VPS53: variants seen among roughly 807,000 people sequenced by gnomAD.
VPS53 encodes VPS53 subunit of GARP complex, also known as vacuolar protein sorting-associated protein 53 homolog.
Under a neutral mutation model 107.0 loss-of-function variants are expected in VPS53, and 70 were observed. That is an observed-to-expected ratio of 0.65 (90% CI 0.54 to 0.80). The LOEUF (loss-of-function observed/expected upper bound fraction) is 0.80. Among genes scored for constraint, VPS53 ranks in the 30% least tolerant of loss-of-function variants. VPS53 has a pLI of 0.00. For missense variants in VPS53, 917 were observed against 1,049.4 expected (o/e 0.87, Z 1.74); for synonymous variants, 409 against 393.3 (o/e 1.04, Z -0.47).
rs1428010196 is a variant in VPS53 at position 542,567 on chromosome 17, TAAG to T, written c.1867-5394_1867-5392del. Among the ~76,000 whole-genome samples the T allele has an allele frequency of 7.9e-5, 12 of 152,376 alleles. No homozygotes were observed. The South Asian group carries it at 2.5e-3, about 32-fold the overall frequency. Reference sequence around the variant, plus strand: ...TAAATTTTAGCTACTGTTATAATTTTAAGAATACTTGCACTATCACTAAAAATC... The same window carrying T: ...TAAATTTTAGCTACTGTTATAATTTTAATACTTGCACTATCACTAAAAATC... On this transcript the variant is annotated intron_variant, in intron 17 of 21. Transcript: ENST00000437048.
At chr17:678,414 T>A (rs1016445441) in intron 4 of VPS53, among the ~76,000 whole-genome samples, 5 of 151,864 alleles carry the variant, frequency 3.3e-5, no homozygotes, top group Non-Finnish European at 5.9e-5. Context: ...AGAGTGAGAC[T>A]CTGTCTCAAA....
intron 4 of VPS53, among the ~76,000 whole-genome samples, chr17:663,042 C>CA (rs954361632): frequency 1.5e-4 from 22 of 145,668 alleles, no homozygotes; most frequent in South Asian, 2.2e-4. Flanking sequence ...TCGGTCTCTG[C>CA]AAAAAAAAAA....
At chr17:589,232 C>T (rs1312303638) in intron 12 of VPS53, among the ~76,000 whole-genome samples, 6 of 151,220 alleles carry the variant, frequency 4.0e-5, no homozygotes, top group African/African-American at 1.5e-4. Flanking sequence ...AAATTTTGAA[C>T]ATGTATATTT....
intron 4 of VPS53, among the ~76,000 whole-genome samples, chr17:662,790 AG>A: frequency 6.7e-6 from 1 of 148,756 alleles, no homozygotes; most frequent in African/African-American, 2.5e-5. Flanking sequence ...AAAGAAAAAA[AG>A]AAAGAGAAAG....
chr17:631,727 G>T, intron 7 of VPS53, 99 bp from the exon 8 acceptor site: 2 of 1,078,762 alleles, frequency 1.9e-6, no homozygotes, highest in Non-Finnish European at 2.8e-6. Context: ...TTCGAGAAAG[G>T]CCAGGAAGGG....
In VPS53 at chr17:514,944, C is replaced by G. The variant is rs776235777; in HGVS notation, c.*4184G>C. ...TGAGCTGGGTTTGGAGATCAGAACA[C>G]CTTGTCCATTGCGGCTCCTGTTTCA... On this transcript the variant is annotated 3_prime_UTR_variant, in exon 22 of 22. Coordinates refer to ENST00000437048, the MANE Select transcript of VPS53 (RefSeq NM_001128159.3). The G allele has an allele frequency of 6.6e-6, 1 of 152,250 alleles. No homozygotes were observed. The highest frequency in any genetic ancestry group is 2.4e-5 in the African/African-American group (1 of 41,448). The allele number at this position is 152,250 out of a possible 1,614,324, so 9.4% of individuals were successfully genotyped here.
chr17:553,238 C>G (rs1407360215), intron 16 of VPS53, 142 bp downstream of exon 16: 1 of 610,372 alleles, frequency 1.6e-6, no homozygotes, highest in Admixed American at 2.8e-5. Flanking sequence ...CAAGCGTGTA[C>G]AAGGTATATA....
In VPS53 at chr17:628,091, T is replaced by C. The variant is rs1203085681; in HGVS notation, c.828A>G (p.Gln276=). The change falls in exon 9 of 22, where the codon CAA becomes CAG. Residue 276 remains glutamine, a synonymous_variant. Coordinates refer to ENST00000437048, the MANE Select transcript of VPS53 (RefSeq NM_001128159.3). ...SEYLVLFQEN[Q]DVAWLDKIDR... ...ATCTTATTTGGTCAATACTCACATC[T>C]TGGTTTTCTTGAAAAAGTACCAGAT... 1.9e-6 allele frequency: 3 copies of C among 1,611,168 alleles called. No homozygotes were observed. The Admixed American group carries it at 5.1e-5, about 27-fold the overall frequency.
intron 14 of VPS53, among the ~76,000 whole-genome samples, chr17:562,089 G>C (rs1050340303): frequency 6.6e-6 from 1 of 152,228 alleles, no homozygotes; most frequent in Non-Finnish European, 1.5e-5. Context: ...GGAAAAAGCA[G>C]ATTCATTCCT....
chr17:642,195 G>A (rs965855737), intron 7 of VPS53, among the ~76,000 whole-genome samples: 1 of 152,190 alleles, frequency 6.6e-6, no homozygotes, highest in Non-Finnish European at 1.5e-5. Flanking sequence ...TTAGTCAAAT[G>A]CTACAGTTCC....
intron 4 of VPS53, among the ~76,000 whole-genome samples, chr17:666,376 G>A (rs8074959): frequency 0.036 from 5,440 of 152,258 alleles, 135 homozygotes; most frequent in East Asian, 0.069. Context: ...AAACACTCAT[G>A]TAAGAGGCTG....
intron 18 of VPS53, 149 bp from the exon 19 acceptor site, chr17:533,060 C>T (rs1909726150): frequency 7.3e-7 from 1 of 1,375,598 alleles, no homozygotes; most frequent in African/African-American, 1.5e-5. Context: ...TCTTATTTTT[C>T]TTCTGAGTGA....
At chr17:626,606 G>A (rs1164995322) in intron 10 of VPS53, among the ~76,000 whole-genome samples, 2 of 152,192 alleles carry the variant, frequency 1.3e-5, no homozygotes, top group African/African-American at 4.8e-5. Context: ...TGCAGTAAAT[G>A]GAGGTGGCAG....
chr17:637,988 A>G (rs541962074), intron 7 of VPS53, among the ~76,000 whole-genome samples: 2 of 152,302 alleles, frequency 1.3e-5, no homozygotes, highest in South Asian at 4.1e-4. Flanking sequence ...TTTCTGTCTC[A>G]TTGATCTGTC....
At chr17:540,645 T>C (rs1035085905) in intron 17 of VPS53, 7 of 152,262 alleles carry the variant, frequency 4.6e-5, no homozygotes, top group African/African-American at 1.7e-4. Context: ...CCCTCTACAC[T>C]TAAAATTGTT....
intron 2 of VPS53, among the ~76,000 whole-genome samples, chr17:704,334 G>A (rs1168648745): frequency 6.6e-6 from 1 of 151,900 alleles, no homozygotes; most frequent in South Asian, 2.1e-4. Context: ...CCAGACAACC[G>A]CAGACACACA....
Position 513,309 on chromosome 17 carries a change from T to C in VPS53, c.*5819A>G, listed in dbSNP as rs1024798292. 4 of 152,214 alleles carry C rather than the reference T, an allele frequency of 2.6e-5. No homozygotes were observed. The highest frequency in any genetic ancestry group is 9.7e-5 in the African/African-American group (4 of 41,448). The allele number at this position is 152,214 out of a possible 1,614,324, so 9.4% of individuals were successfully genotyped here. The stretch of plus-strand genomic sequence containing the variant: ...ACTTCCAGATGGAGAAAATGAAAGC[T>C]ATTTACACAAAGAAGCAATCCCTTT... On this transcript the variant is annotated 3_prime_UTR_variant, in exon 22 of 22. Coordinates refer to ENST00000437048, the MANE Select transcript of VPS53 (RefSeq NM_001128159.3).
chr17:562,787 A>G, intron 13 of VPS53, 42 bp from the exon 14 acceptor site: 1 of 1,584,540 alleles, frequency 6.3e-7, no homozygotes, highest in Non-Finnish European at 8.6e-7. Context: ...TTTTACTTCA[A>G]GAAAAGTAAA....
chr17:553,623 T>G (rs1912071420), intron 15 of VPS53, among the ~76,000 whole-genome samples, 161 bp from the exon 16 acceptor site: 1 of 147,190 alleles, frequency 6.8e-6, no homozygotes. Context: ...TAGGCTGGAG[T>G]GCAGTGGTGC....
Sources: allele counts gnomAD v4.1 joint callset (sites outside exome capture counted in the v4.1 genomes callset), GRCh38; gene constraint gnomAD v4.1.1; transcripts MANE v1.5; gene names NCBI Gene and HGNC (gene_info 2026-07-23, HGNC 2026-07-21).